The following PCDHGA9 variants were observed in gnomAD, a reference collection of about 807,000 sequenced individuals.
The protein encoded by PCDHGA9 is protocadherin gamma-A9.
A neutral mutation model predicts 62.5 loss-of-function variants in PCDHGA9; 37 were observed. The observed-to-expected ratio is 0.59, with a 90% CI of 0.46 to 0.78. The LOEUF (loss-of-function observed/expected upper bound fraction) is 0.78, where lower values mean the gene tolerates loss of function less well. PCDHGA9 is among the 30% of genes least tolerant of loss of function. PCDHGA9 has a pLI of 0.00. For synonymous variants in PCDHGA9, 459 were observed against 484.6 expected, an observed-to-expected ratio of 0.95 and a Z score of 0.69; for missense variants, 1,138 against 1,166.2, an observed-to-expected ratio of 0.98 and a Z score of 0.35.
In PCDHGA9 at chr5:141,467,461, A is replaced by G. The variant is rs1330947379; in HGVS notation, c.2425-27346A>G. ...ATTACTTTTTTCTTCCAGTGCTAGT[A>G]CTTGCATGGTTTTTGGTTTCCACAT... On this transcript the variant is annotated intron_variant, in intron 1 of 3. Coordinates refer to ENST00000573521, the MANE Select transcript of PCDHGA9 (RefSeq NM_018921.3). 2.6e-5 allele frequency among the ~76,000 whole-genome samples: 4 copies of G among 152,158 alleles called. No homozygotes were observed. The South Asian group carries it at 8.3e-4, about 31-fold the overall frequency.
At chr5:141,492,447 T>G (rs920078908) in intron 1 of PCDHGA9, among the ~76,000 whole-genome samples, 13 of 152,300 alleles carry the variant, frequency 8.5e-5, no homozygotes, top group Middle Eastern at 3.4e-3. Context: ...CGTAGCTGAT[T>G]GTGCGCGCCT....
chr5:141,422,018 T>C, intron 1 of PCDHGA9: 1 of 1,610,840 alleles, frequency 6.2e-7, no homozygotes, highest in Non-Finnish European at 8.5e-7. Context: ...CGGGTGCTGA[T>C]GGTTAATGCA....
chr5:141,408,309 C>G, intron 1 of PCDHGA9: 1 of 1,613,816 alleles, frequency 6.2e-7, no homozygotes, highest in South Asian at 1.1e-5. Context: ...ATCCGCTACT[C>G]GATTCCGGAG....
chr5:141,422,453 G>A, intron 1 of PCDHGA9: 3 of 1,611,704 alleles, frequency 1.9e-6, no homozygotes, highest in Non-Finnish European at 2.5e-6. Context: ...ATAACAAGCA[G>A]AGTGCTGGAC....
Position 141,431,033 on chromosome 5 carries a change from C to G in PCDHGA9, c.2424+25657C>G, listed in dbSNP as rs1006751011. ...CTTGGTCACGGCGGGCAGGATAGAC[C>G]GGGAGGAGCTCTGTATGGGGGCCAT... On this transcript the variant is annotated intron_variant, in intron 1 of 3. Coordinates refer to ENST00000573521, the MANE Select transcript of PCDHGA9 (RefSeq NM_018921.3). This position sits in a 1 kb window ranked among gnomAD's most constrained non-coding sequence, Gnocchi z 4.8. 1.2e-6 allele frequency: 2 copies of G among 1,613,980 alleles called. No individual in the cohort carries two copies. Among genetic ancestry groups the G allele is most frequent in the Admixed American group, 3.3e-5 (2 of 60,024 alleles).
chr5:141,458,619 G>T (rs1393941674), intron 1 of PCDHGA9, among the ~76,000 whole-genome samples: 1 of 152,080 alleles, frequency 6.6e-6, no homozygotes, highest in South Asian at 2.1e-4. Context: ...AGCCAGGCTG[G>T]AGTGCAGTGG....
intron 1 of PCDHGA9, among the ~76,000 whole-genome samples, chr5:141,475,231 G>A (rs1188161872): frequency 6.6e-6 from 1 of 152,190 alleles, no homozygotes; most frequent in Admixed American, 6.5e-5. Flanking sequence ...AAAGGGAAAC[G>A]ATAGAGAGAG....
rs1476740920 is a variant in PCDHGA9, at chr5:141,443,326, A to AC, written c.2424+37950_2424+37951insC. Among the ~76,000 whole-genome samples the AC allele has an allele frequency of 3.3e-5, 5 of 151,792 alleles. No homozygotes were observed. The South Asian group carries it at 8.3e-4, about 25-fold the overall frequency. ...CAAAAACCCATCTCTACAAAAAAAA[A>AC]AAACAAAAATTAACAAGGTTTAGTG... On this transcript the variant is annotated intron_variant, in intron 1 of 3. Transcript: ENST00000573521.
chr5:141,490,130 C>A lies in PCDHGA9; in HGVS notation c.2425-4677C>A, dbSNP rs535362535. On this transcript the variant is annotated intron_variant, in intron 1 of 3. Coordinates refer to ENST00000573521, the MANE Select transcript of PCDHGA9 (RefSeq NM_018921.3). The surrounding 1 kb of genome is among the most constrained non-coding windows in gnomAD (Gnocchi z 5.4). ...GTGCGGAACCTCTTTGGCCTAGACC[C>A]TAGCAGTGGGGCAATCCATGTGTTG... 11 of 1,614,242 alleles carry A rather than the reference C, an allele frequency of 6.8e-6. No individual in the cohort carries two copies. In the African/African-American group the frequency reaches 1.3e-4, roughly 20 times the overall value.
At chr5:141,468,837 G>T in intron 1 of PCDHGA9, among the ~76,000 whole-genome samples, 1 of 152,108 alleles carries the variant, frequency 6.6e-6, no homozygotes, top group South Asian at 2.1e-4. Flanking sequence ...CTGCACTCCA[G>T]CCTGGGCAAC....
chr5:141,505,676 C>A (rs1308943385), intron 3 of PCDHGA9, among the ~76,000 whole-genome samples, 195 bp downstream of exon 3: 1 of 152,060 alleles, frequency 6.6e-6, no homozygotes, highest in South Asian at 2.1e-4. Context: ...GGTTGGGGGT[C>A]CTGGGATGCC....
intron 1 of PCDHGA9, chr5:141,422,717 T>A: frequency 6.2e-7 from 1 of 1,604,832 alleles, no homozygotes; most frequent in Non-Finnish European, 8.5e-7. Flanking sequence ...GATGACACTG[T>A]CCAGGGGGTG....
intron 1 of PCDHGA9, chr5:141,423,757 G>A: frequency 5.1e-6 from 2 of 395,134 alleles, no homozygotes; most frequent in Non-Finnish European, 7.1e-6. Flanking sequence ...GTTTGGGGGG[G>A]GGGTGGGGCG....
intron 1 of PCDHGA9, among the ~76,000 whole-genome samples, chr5:141,492,802 G>A (rs1490284966): frequency 6.6e-6 from 1 of 152,234 alleles, no homozygotes; most frequent in Non-Finnish European, 1.5e-5. Flanking sequence ...GCAGGACTGG[G>A]ACTCCAGTGG....
chr5:141,437,664 A>G (rs10035418), intron 1 of PCDHGA9, among the ~76,000 whole-genome samples: 45,525 of 151,942 alleles, frequency 0.3, 8,040 homozygotes, highest in African/African-American at 0.5. Context: ...AGTTTCGAAG[A>G]GATGTTGATC....
Position 141,432,244 on chromosome 5 carries a change from C to T in PCDHGA9, c.2424+26868C>T. 1 of 1,614,262 alleles carries T rather than the reference C, an allele frequency of 6.2e-7. No homozygotes were observed. Among genetic ancestry groups the T allele is most frequent in the Non-Finnish European group, 8.5e-7 (1 of 1,180,048 alleles). On this transcript the variant is annotated intron_variant, in intron 1 of 3. Coordinates refer to ENST00000573521, the MANE Select transcript of PCDHGA9 (RefSeq NM_018921.3). The surrounding 1 kb of genome is among the most constrained non-coding windows in gnomAD (Gnocchi z 6.0). ...TCACTTATTCCCTGGCTGAGAACAC[C>T]ATCCAAGGGGCAAGCCTATCGTCCT...
In PCDHGA9 at chr5:141,477,406, A is replaced by G. The variant is rs1004061582; in HGVS notation, c.2425-17401A>G. The G allele has an allele frequency of 6.2e-7, 1 of 1,614,154 alleles. No individual in the cohort carries two copies. Among genetic ancestry groups the G allele is most frequent in the Non-Finnish European group, 8.5e-7 (1 of 1,180,040 alleles). The stretch of plus-strand genomic sequence containing the variant: ...AATACAACCTCAGCATCACCGCCCG[A>G]GACGCCGGAACCCCTTCCCTCTCAG... On this transcript the variant is annotated intron_variant, in intron 1 of 3. Transcript: ENST00000573521. The surrounding 1 kb of genome is among the most constrained non-coding windows in gnomAD (Gnocchi z 4.9).
rs988237114 is a variant in PCDHGA9 at position 141,493,830 on chromosome 5, G to A, written c.2425-977G>A. On this transcript the variant is annotated intron_variant, in intron 1 of 3. Transcript: ENST00000573521. This position sits in a 1 kb window ranked among gnomAD's most constrained non-coding sequence, Gnocchi z 4.3. ...ATACTCACACTCTCTGCTTCTGGGA[G>A]CAAGTATGAGTATTAATTACCAGCC... 1.3e-5 allele frequency among the ~76,000 whole-genome samples: 2 copies of A among 152,218 alleles called. No individual in the cohort carries two copies. The highest frequency in any genetic ancestry group is 4.8e-5 in the African/African-American group (2 of 41,456).
In PCDHGA9 at chr5:141,403,051, C is replaced by G. The variant is rs1273209859; in HGVS notation, c.99C>G (p.Tyr33Ter). The change falls in exon 1 of 4, where the codon TAC becomes TAG. Residue 33 changes from tyrosine to a stop codon, truncating the protein, a stop_gained. Coordinates refer to ENST00000573521, the MANE Select transcript of PCDHGA9 (RefSeq NM_018921.3). LOFTEE classifies it high-confidence loss of function. ...AGGCCAGGGCCAGTCAGATTCGCTA[C>G]TCAGTGCCTGAAGAGACAGAAAAGG... ...LWEARASQIR[Y>*]SVPEETEKGY... is the part of the protein sequence containing the mutation. The G allele has an allele frequency of 6.2e-7, 1 of 1,614,086 alleles. No individual in the cohort carries two copies. Among genetic ancestry groups the G allele is most frequent in the African/African-American group, 1.3e-5 (1 of 75,074 alleles).
Sources: allele counts gnomAD v4.1 joint callset (sites outside exome capture counted in the v4.1 genomes callset), GRCh38; gene constraint gnomAD v4.1.1; non-coding constraint Gnocchi (gnomAD v3.1); transcripts MANE v1.5; gene names NCBI Gene and HGNC (gene_info 2026-07-23, HGNC 2026-07-21).